The following PLEKHH1 variants were observed in gnomAD, a reference collection of about 807,000 sequenced individuals.
PLEKHH1 encodes pleckstrin homology, MyTH4 and FERM domain containing H1.
PLEKHH1 carries 104 observed loss-of-function variants against 160.0 expected under a neutral mutation model. The ratio of observed to expected loss-of-function variants is 0.65; its 90% CI spans 0.55 to 0.76. The LOEUF (loss-of-function observed/expected upper bound fraction) is 0.76. Ranked by LOEUF, PLEKHH1 falls within the 30% of genes least tolerant of loss-of-function variation. The pLI, the probability that PLEKHH1 is intolerant of heterozygous loss-of-function variation, is 0.00. For missense variants in PLEKHH1, 1,427 were observed against 1,724.1 expected, an observed-to-expected ratio of 0.83 and a Z score of 3.05; for synonymous variants, 619 against 678.4, an observed-to-expected ratio of 0.91 and a Z score of 1.36.
intron 1 of PLEKHH1, among the ~76,000 whole-genome samples, chr14:67,534,064 A>G (rs1167514397): frequency 1.3e-5 from 2 of 152,088 alleles, no homozygotes; most frequent in Admixed American, 6.5e-5. Flanking sequence ...AAACTCTTCC[A>G]AGACAGAGCC....
In PLEKHH1 at chr14:67,572,130, G is replaced by A; in HGVS notation, c.1586-5G>A. On this transcript the variant is annotated splice_region_variant and splice_polypyrimidine_tract_variant and intron_variant, in intron 10 of 28. Coordinates refer to ENST00000329153, the MANE Select transcript of PLEKHH1 (RefSeq NM_020715.3). ...CCGGGCCTTGACTCCTCCTCCCTCG[G>A]CAAGGCGTCTCCATGTCCTCACTGA... 6.2e-7 allele frequency: 1 copy of A among 1,603,896 alleles called. No individual in the cohort carries two copies. The highest frequency in any genetic ancestry group is 1.3e-5 in the African/African-American group (1 of 74,840).
intron 28 of PLEKHH1, 119 bp from the exon 29 acceptor site, chr14:67,586,955 T>C: frequency 6.5e-7 from 1 of 1,542,872 alleles, no homozygotes; most frequent in Non-Finnish European, 8.7e-7. Flanking sequence ...CCCAGGTGGG[T>C]ATTTTAAGAG....
chr14:67,564,101 C>T (rs1284409807), intron 7 of PLEKHH1, among the ~76,000 whole-genome samples: 1 of 151,840 alleles, frequency 6.6e-6, no homozygotes, highest in African/African-American at 2.4e-5. Flanking sequence ...CGGGGTTTCA[C>T]CATGTTAGCC....
In PLEKHH1 at chr14:67,582,655, AAAAAAT is replaced by A. The variant is rs1320434808; in HGVS notation, c.3426+450_3426+455del. On this transcript the variant is annotated intron_variant, in intron 24 of 28. Coordinates refer to ENST00000329153, the MANE Select transcript of PLEKHH1 (RefSeq NM_020715.3). This position sits in a 1 kb window ranked among gnomAD's most constrained non-coding sequence, Gnocchi z 5.0. ...CCAGTGAAACCCTGTCTCTACTGAA[AAAAAAT>A]AAAATAAAATAAAATAAAAATAAAA... 2.0e-5 allele frequency among the ~76,000 whole-genome samples: 3 copies of A among 151,988 alleles called. No homozygotes were observed. The highest frequency in any genetic ancestry group is 2.9e-5 in the Non-Finnish European group (2 of 68,016).
intron 8 of PLEKHH1, chr14:67,569,690 T>C (rs1423101546): frequency 1.8e-6 from 1 of 567,258 alleles, no homozygotes; most frequent in Non-Finnish European, 3.2e-6. Flanking sequence ...GAGGAAAAAA[T>C]GGTTAAAGGT....
At position 67,588,494 on chromosome 14, in the gene PLEKHH1, A is replaced by G. The variant is rs1441896650; in HGVS notation, c.*1259A>G. On this transcript the variant is annotated 3_prime_UTR_variant, in exon 29 of 29. Coordinates refer to ENST00000329153, the MANE Select transcript of PLEKHH1 (RefSeq NM_020715.3). ...AGCCTAAGAGTAGCAGGTAAAAAAA[A>G]GTTTCTTTCATCTTTTGCCTTACTG... 1 of 152,114 alleles carries G rather than the reference A, an allele frequency of 6.6e-6. No homozygotes were observed. The highest frequency in any genetic ancestry group is 1.5e-5 in the Non-Finnish European group (1 of 68,012). 9.4% of individuals were successfully genotyped at this position (152,114 alleles called of 1,614,324 possible). A position where few individuals can be genotyped will look rare whatever the true frequency, so the allele number is the denominator to read the frequency against.
intron 1 of PLEKHH1, among the ~76,000 whole-genome samples, chr14:67,536,559 T>C (rs951075166): frequency 6.6e-6 from 1 of 151,798 alleles, no homozygotes; most frequent in Non-Finnish European, 1.5e-5. Flanking sequence ...ATAGAGGCAA[T>C]GAGCTATTTT....
Position 67,578,109 on chromosome 14 carries a change from C to T in PLEKHH1, c.2661C>T (p.Cys887=), listed in dbSNP as rs768023754. 1 of 1,613,698 alleles carries T rather than the reference C, an allele frequency of 6.2e-7. No individual in the cohort carries two copies. The highest frequency in any genetic ancestry group is 8.5e-7 in the Non-Finnish European group (1 of 1,179,664). The change falls in exon 19 of 29, where the codon TGC becomes TGT. Residue 887 remains cysteine, a synonymous_variant. Transcript: ENST00000329153. The surrounding 1 kb of genome is among the most constrained non-coding windows in gnomAD (Gnocchi z 5.0). ...TGGCCCAGACCGCACTGCAGGTCTG[C>T]CTGGTTCACCCCGAGCTGCAGAGTG... ...VSLAQTALQV[C]LVHPELQSEI...
chr14:67,539,688 GA>G (rs1474240592), intron 1 of PLEKHH1, among the ~76,000 whole-genome samples: 1 of 151,806 alleles, frequency 6.6e-6, no homozygotes, highest in Non-Finnish European at 1.5e-5. Flanking sequence ...ATTTTTTTTG[GA>G]TGGGTAAAGA....
chr14:67,567,401 G>A (rs770078306), intron 7 of PLEKHH1, among the ~76,000 whole-genome samples: 12 of 152,158 alleles, frequency 7.9e-5, no homozygotes, highest in African/African-American at 1.7e-4. Flanking sequence ...CATAGGTTTC[G>A]TTTTACCTAA....
At chr14:67,552,994 TTTCTGG>T (rs1259691902) in intron 2 of PLEKHH1, among the ~76,000 whole-genome samples, 3 of 152,132 alleles carry the variant, frequency 2.0e-5, no homozygotes, top group Admixed American at 6.5e-5. Context: ...AACAGAGCGA[TTTCTGG>T]TTCTGACCAA....
chr14:67,583,709 T>C (rs1167766204), intron 24 of PLEKHH1, 32 bp from the exon 25 acceptor site: 1 of 1,583,504 alleles, frequency 6.3e-7, no homozygotes, highest in Admixed American at 1.8e-5. Flanking sequence ...CTGTCAGATT[T>C]TGACTGGTCT....
intron 1 of PLEKHH1, among the ~76,000 whole-genome samples, chr14:67,534,812 G>C (rs2033636564): frequency 1.3e-5 from 2 of 152,006 alleles, no homozygotes; most frequent in South Asian, 4.1e-4. Flanking sequence ...CCAAAGAAAT[G>C]TCTGGCAATT....
chr14:67,560,889 C>A (rs920096784), intron 5 of PLEKHH1, among the ~76,000 whole-genome samples: 2 of 152,158 alleles, frequency 1.3e-5, no homozygotes, highest in African/African-American at 4.8e-5. Flanking sequence ...CGCCACCACG[C>A]CTGGCTAATT....
In PLEKHH1 at chr14:67,540,383, T is replaced by C. The variant is rs2033916117; in HGVS notation, c.-34-1451T>C. Among the ~76,000 whole-genome samples the C allele has an allele frequency of 2.0e-5, 3 of 152,138 alleles. No individual in the cohort carries two copies. In the South Asian group the frequency reaches 6.2e-4, roughly 32 times the overall value. ...GCTCACACCTGTAATCCCAGCACTT[T>C]AAGAGATTGAGGCCGGTGGATCACT... On this transcript the variant is annotated intron_variant, in intron 1 of 28. Transcript: ENST00000329153.
chr14:67,536,266 G>C (rs942167102), intron 1 of PLEKHH1, among the ~76,000 whole-genome samples: 4 of 151,842 alleles, frequency 2.6e-5, no homozygotes, highest in African/African-American at 9.7e-5. Flanking sequence ...ACAGTGCTGA[G>C]ATCAGAGGAA....
chr14:67,579,025 C>A, intron 20 of PLEKHH1, 109 bp from the exon 21 acceptor site: 3 of 741,802 alleles, frequency 4.0e-6, no homozygotes, highest in Non-Finnish European at 6.8e-6. Context: ...TTTCTCACAA[C>A]CTGCCCCAGC....
At position 67,588,426 on chromosome 14, in the gene PLEKHH1, G is replaced by C. The variant is rs1012984564; in HGVS notation, c.*1191G>C. 18 of 152,438 alleles carry C rather than the reference G, an allele frequency of 1.2e-4. No homozygotes were observed. The highest frequency in any genetic ancestry group is 3.6e-4 in the African/African-American group (15 of 41,414). The allele number at this position is 152,438 out of a possible 1,614,324, so 9.4% of individuals were successfully genotyped here. A position where few individuals can be genotyped will look rare whatever the true frequency, so the allele number is the denominator to read the frequency against. On this transcript the variant is annotated 3_prime_UTR_variant, in exon 29 of 29. Coordinates refer to ENST00000329153, the MANE Select transcript of PLEKHH1 (RefSeq NM_020715.3). ...TGAGACTTCTGGCAAACTTCTGCTG[G>C]GAATTAGTTTGAGGGTGAGGGTACA...
intron 5 of PLEKHH1, 149 bp downstream of exon 5, chr14:67,559,840 A>T (rs1027530135): frequency 3.2e-6 from 2 of 621,854 alleles, no homozygotes; most frequent in African/African-American, 3.7e-5. Context: ...CCATGCTGAG[A>T]CACCGTAGTT....
Sources: allele counts gnomAD v4.1 joint callset (sites outside exome capture counted in the v4.1 genomes callset), GRCh38; gene constraint gnomAD v4.1.1; non-coding constraint Gnocchi (gnomAD v3.1); transcripts MANE v1.5; gene names NCBI Gene and HGNC (gene_info 2026-07-23, HGNC 2026-07-21).